The following SNTB2 variants were observed in gnomAD, a reference collection of about 807,000 sequenced individuals.
SNTB2 encodes beta-2-syntrophin.
Under a neutral mutation model 46.2 loss-of-function variants are expected in SNTB2, and 34 were observed. The ratio of observed to expected loss-of-function variants is 0.74; its 90% CI spans 0.56 to 0.98. SNTB2 has a LOEUF of 0.98. Ranked by LOEUF, SNTB2 falls within the 50% of genes least tolerant of loss-of-function variation. The pLI is 0.00. For synonymous variants in SNTB2, 290 were observed against 312.6 expected, an observed-to-expected ratio of 0.93 and a Z score of 0.76; for missense variants, 603 against 731.4, an observed-to-expected ratio of 0.82 and a Z score of 2.02.
intron 3 of SNTB2, among the ~76,000 whole-genome samples, chr16:69,265,075 T>G (rs1018150728): frequency 3.3e-5 from 5 of 151,846 alleles, no homozygotes; most frequent in Non-Finnish European, 7.4e-5. Flanking sequence ...TGGTGAAACC[T>G]TGTCTCTACT....
At chr16:69,268,788 C>T (rs966744663) in intron 3 of SNTB2, among the ~76,000 whole-genome samples, 3 of 151,862 alleles carry the variant, frequency 2.0e-5, no homozygotes, top group Non-Finnish European at 4.4e-5. Context: ...TTGCTTGAAC[C>T]TGGGAGGCAG....
At chr16:69,198,305 C>A (rs776244629) in intron 1 of SNTB2, among the ~76,000 whole-genome samples, 8 of 152,038 alleles carry the variant, frequency 5.3e-5, no homozygotes, top group African/African-American at 1.9e-4. Flanking sequence ...GACAGGGTTT[C>A]GCCATGTCGC....
rs543565887 is a variant in SNTB2 at position 69,225,917 on chromosome 16, G to A, written c.581-19685G>A. ...TGAGTAGCTGGGATTACAGGCGCCC[G>A]TCTCCACACCTGGCTAATTTTTGTA... On this transcript the variant is annotated intron_variant, in intron 1 of 6. Transcript: ENST00000336278. Among the ~76,000 whole-genome samples, 361 of 152,002 alleles carry A rather than the reference G, an allele frequency of 2.4e-3. 2 individuals carry two copies. Among genetic ancestry groups the A allele is most frequent in the African/African-American group, 8.4e-3 (349 of 41,454 alleles).
chr16:69,294,845 C>CGGGCTGGA (rs1336277308), intron 5 of SNTB2, among the ~76,000 whole-genome samples: 14 of 149,728 alleles, frequency 9.4e-5, no homozygotes, highest in South Asian at 2.2e-4. Context: ...CTCTGTCACT[C>CGGGCTGGA]GGGCTGGAGG....
chr16:69,263,420 CTT>C (rs533404729), intron 3 of SNTB2, among the ~76,000 whole-genome samples: 17 of 130,126 alleles, frequency 1.3e-4, no homozygotes, highest in African/African-American at 8.5e-5. Flanking sequence ...TGGGTATGTT[CTT>C]TTTTTTTTTT....
Position 69,301,002 on chromosome 16 carries a change from ACT to A in SNTB2, c.*81_*82del. The A allele has an allele frequency of 1.1e-6, 1 of 913,326 alleles. No homozygotes were observed. The highest frequency in any genetic ancestry group is 2.5e-5 in the East Asian group (1 of 40,488). The allele number at this position is 913,326 out of a possible 1,614,324, so 56.6% of individuals were successfully genotyped here. ...CAAAAAAAAAAAAGCACAAAAAGAAACTCTTTGCTCTCCTTCAGCACAGTGCC... is the reference window on the plus strand; with the variant it reads ...CAAAAAAAAAAAAGCACAAAAAGAAACTTTGCTCTCCTTCAGCACAGTGCC... On this transcript the variant is annotated 3_prime_UTR_variant, in exon 7 of 7. Transcript: ENST00000336278.
At chr16:69,251,734 T>C (rs11864749) in intron 2 of SNTB2, among the ~76,000 whole-genome samples, 123,394 of 152,034 alleles carry the variant, frequency 0.81, 50,774 homozygotes, top group African/African-American at 0.95. Context: ...GCTGAGATCG[T>C]ACCATTACTT....
At chr16:69,273,535 G>T (rs1964957681) in intron 4 of SNTB2, among the ~76,000 whole-genome samples, 1 of 152,136 alleles carries the variant, frequency 6.6e-6, no homozygotes, top group Non-Finnish European at 1.5e-5. Context: ...GCAAACCCAG[G>T]ATAGACAGAA....
At chr16:69,239,480 C>G (rs72795257) in intron 1 of SNTB2, among the ~76,000 whole-genome samples, 8,176 of 152,238 alleles carry the variant, frequency 0.054, 247 homozygotes, top group South Asian at 0.075. Flanking sequence ...GTTGTGCTAT[C>G]CCTTTATAAT....
In SNTB2 at chr16:69,307,814, A is replaced by C. The variant is rs1189405436; in HGVS notation, c.*6890A>C. 6.6e-6 allele frequency: 1 copy of C among 152,166 alleles called. No individual in the cohort carries two copies. Among genetic ancestry groups the C allele is most frequent in the Non-Finnish European group, 1.5e-5 (1 of 68,028 alleles). The allele number at this position is 152,166 out of a possible 1,614,324, so 9.4% of individuals were successfully genotyped here. ...ATTAAAAAAAAAAAAAAAACTTTTA[A>C]CATTTAAAAAATAAAAATTAACAAA... On this transcript the variant is annotated 3_prime_UTR_variant, in exon 7 of 7. Coordinates refer to ENST00000336278, the MANE Select transcript of SNTB2 (RefSeq NM_006750.4).
At chr16:69,206,060 G>A (rs1019682591) in intron 1 of SNTB2, among the ~76,000 whole-genome samples, 2 of 152,188 alleles carry the variant, frequency 1.3e-5, no homozygotes, top group East Asian at 3.9e-4. Context: ...GCAGTGGTGC[G>A]ATCATAGCTC....
chr16:69,190,775 G>A (rs1365158564), intron 1 of SNTB2, among the ~76,000 whole-genome samples: 1 of 152,150 alleles, frequency 6.6e-6, no homozygotes, highest in African/African-American at 2.4e-5. Context: ...GTTTGTTTCT[G>A]GCTAGTGGTT....
intron 1 of SNTB2, among the ~76,000 whole-genome samples, chr16:69,232,034 T>C (rs1298623569): frequency 6.6e-6 from 1 of 152,156 alleles, no homozygotes; most frequent in Non-Finnish European, 1.5e-5. Context: ...CCCCAAATTA[T>C]TTCAGTCTTG....
chr16:69,247,064 A>G (rs1462768375), intron 2 of SNTB2, among the ~76,000 whole-genome samples: 2 of 146,974 alleles, frequency 1.4e-5, no homozygotes, highest in Admixed American at 1.4e-4. Flanking sequence ...AAATATATAT[A>G]TATATTAAAA....
intron 1 of SNTB2, among the ~76,000 whole-genome samples, chr16:69,243,381 A>G (rs1216432740): frequency 6.6e-6 from 1 of 152,198 alleles, no homozygotes; most frequent in African/African-American, 2.4e-5. Flanking sequence ...TATGGACTGC[A>G]TTGCCATCAA....
At chr16:69,203,372 T>G (rs1270596448) in intron 1 of SNTB2, among the ~76,000 whole-genome samples, 2 of 152,104 alleles carry the variant, frequency 1.3e-5, no homozygotes, top group African/African-American at 4.8e-5. Flanking sequence ...TCTCACTCTG[T>G]CTCCTGGGCT....
chr16:69,242,407 A>T (rs1377790259), intron 1 of SNTB2, among the ~76,000 whole-genome samples: 1 of 152,200 alleles, frequency 6.6e-6, no homozygotes, highest in Non-Finnish European at 1.5e-5. Flanking sequence ...TGAGGGACAG[A>T]GTGAGACCCT....
At position 69,303,253 on chromosome 16, in the gene SNTB2, C is replaced by T. The variant is rs916279453; in HGVS notation, c.*2329C>T. 2.6e-5 allele frequency: 4 copies of T among 152,124 alleles called. No homozygotes were observed. The highest frequency in any genetic ancestry group is 9.7e-5 in the African/African-American group (4 of 41,412). The allele number at this position is 152,124 out of a possible 1,614,324, so 9.4% of individuals were successfully genotyped here. A position where few individuals can be genotyped will look rare whatever the true frequency, so the allele number is the denominator to read the frequency against. On this transcript the variant is annotated 3_prime_UTR_variant, in exon 7 of 7. Coordinates refer to ENST00000336278, the MANE Select transcript of SNTB2 (RefSeq NM_006750.4). ...GGAATCAGAATTTCAATATGTAATA[C>T]CCTCAGGTAGGCAATCTTGAACCCT... is the stretch of plus-strand genomic sequence containing the variant.
At chr16:69,237,620 T>TTTTTTTTTTG (rs1964571126) in intron 1 of SNTB2, among the ~76,000 whole-genome samples, 1 of 148,726 alleles carries the variant, frequency 6.7e-6, no homozygotes. Context: ...TTTTTTTTTT[T>TTTTTTTTTTG]GAGGCAGAGT....
Sources: allele counts gnomAD v4.1 joint callset (sites outside exome capture counted in the v4.1 genomes callset), GRCh38; gene constraint gnomAD v4.1.1; transcripts MANE v1.5; gene names NCBI Gene and HGNC (gene_info 2026-07-23, HGNC 2026-07-21).